Variants in TAFA2 observed in about 807,000 individuals in gnomAD.
TAFA2 encodes the protein chemokine-like protein TAFA-2.
TAFA2 carries 7 observed loss-of-function variants against 18.8 expected under a neutral mutation model. The ratio of observed to expected loss-of-function variants is 0.37; its 90% CI spans 0.21 to 0.70. The LOEUF (loss-of-function observed/expected upper bound fraction) is 0.70, where lower values mean the gene tolerates loss of function less well. Ranked by LOEUF, TAFA2 falls within the 30% of genes least tolerant of loss-of-function variation. The pLI is 0.53. For synonymous variants in TAFA2, 60 were observed against 54.2 expected (o/e 1.11, Z -0.47); for missense variants, 122 against 158.1 (o/e 0.77, Z 1.23).
At chr12:61,831,776 G>C (rs1872729803) in intron 2 of TAFA2, among the ~76,000 whole-genome samples, 1 of 151,928 alleles carries the variant, frequency 6.6e-6, no homozygotes, top group African/African-American at 2.4e-5. Context: ...ATGTATACAT[G>C]TGCCATGTTG....
At chr12:61,741,002 T>C (rs921878672) in intron 4 of TAFA2, among the ~76,000 whole-genome samples, 1 of 152,088 alleles carries the variant, frequency 6.6e-6, no homozygotes, top group Admixed American at 6.6e-5. Context: ...TATTTTTTGT[T>C]TTAATTTGGC....
chr12:61,831,097 T>C (rs996407798), intron 2 of TAFA2, among the ~76,000 whole-genome samples: 2 of 152,114 alleles, frequency 1.3e-5, no homozygotes, highest in African/African-American at 4.8e-5. Context: ...TTTAAATTAT[T>C]TGAGCCTTCA....
chr12:62,253,429 G>A (rs2062924059), intron 1 of TAFA2: 1 of 152,150 alleles, frequency 6.6e-6, no homozygotes, highest in East Asian at 1.9e-4. Context: ...CATAAACTTA[G>A]TGACTGAGAC....
intron 1 of TAFA2, among the ~76,000 whole-genome samples, chr12:61,868,081 T>A (rs2121221528): frequency 6.6e-6 from 1 of 152,232 alleles, no homozygotes; most frequent in Middle Eastern, 3.4e-3. Flanking sequence ...AATCAACATT[T>A]TCATATTGAA....
intron 2 of TAFA2, among the ~76,000 whole-genome samples, chr12:61,772,182 A>G (rs1870057684): frequency 6.6e-6 from 1 of 151,998 alleles, no homozygotes; most frequent in South Asian, 2.1e-4. Flanking sequence ...AACCAGGAAG[A>G]AATAGAAACT....
chr12:61,860,246 A>G (rs1443062290), intron 2 of TAFA2, among the ~76,000 whole-genome samples: 1 of 152,154 alleles, frequency 6.6e-6, no homozygotes, highest in Admixed American at 6.5e-5. Flanking sequence ...TTTCTTTCCA[A>G]AGTTTCTCAA....
chr12:62,012,386 T>C (rs1232320226), intron 1 of TAFA2, among the ~76,000 whole-genome samples: 4 of 148,830 alleles, frequency 2.7e-5, no homozygotes, highest in Admixed American at 2.0e-4. Flanking sequence ...GAGACACGTA[T>C]ATCATCTTTC....
intron 1 of TAFA2, among the ~76,000 whole-genome samples, chr12:62,025,628 T>G (rs1881287212): frequency 6.6e-6 from 1 of 152,094 alleles, no homozygotes; most frequent in Non-Finnish European, 1.5e-5. Flanking sequence ...AGTCAGAACA[T>G]TGGATGGCTA....
chr12:61,734,796 A>C (rs1006917978), intron 4 of TAFA2, among the ~76,000 whole-genome samples: 1 of 151,986 alleles, frequency 6.6e-6, no homozygotes. Flanking sequence ...AGAATTTACC[A>C]TCTTTACCAT....
At chr12:62,259,297 G>A (rs192022278), upstream of TAFA2, among the ~76,000 whole-genome samples, 1 of 152,218 alleles carries the variant, frequency 6.6e-6, no homozygotes, top group Admixed American at 6.5e-5. Context: ...CAAATATTTA[G>A]GTAATTTTTA....
chr12:62,122,738 C>A (rs1870253850), intron 1 of TAFA2, among the ~76,000 whole-genome samples: 1 of 152,162 alleles, frequency 6.6e-6, no homozygotes, highest in Non-Finnish European at 1.5e-5. Flanking sequence ...TTCCATATAA[C>A]CCCAATCACC....
intron 1 of TAFA2, among the ~76,000 whole-genome samples, chr12:61,981,152 C>T (rs965544246): frequency 3.3e-5 from 5 of 152,082 alleles, no homozygotes; most frequent in East Asian, 3.9e-4. Flanking sequence ...GAAATAACAC[C>T]GCACATCTAC....
At chr12:61,950,139 A>G (rs1328434288) in intron 1 of TAFA2, among the ~76,000 whole-genome samples, 2 of 152,080 alleles carry the variant, frequency 1.3e-5, no homozygotes, top group Non-Finnish European at 2.9e-5. Context: ...TTGCATATAT[A>G]TATCACATTT....
At chr12:61,812,024 G>T (rs1223635899) in intron 2 of TAFA2, among the ~76,000 whole-genome samples, 1 of 151,266 alleles carries the variant, frequency 6.6e-6, no homozygotes, top group Non-Finnish European at 1.5e-5. Flanking sequence ...TGTAAGAGAT[G>T]TATTGTGGCT....
chr12:62,003,161 A>G (rs928642930), intron 1 of TAFA2, among the ~76,000 whole-genome samples: 2 of 152,104 alleles, frequency 1.3e-5, no homozygotes, highest in African/African-American at 4.8e-5. Flanking sequence ...TCTACAGTCT[A>G]TTGTCAACAT....
intron 1 of TAFA2, among the ~76,000 whole-genome samples, chr12:62,212,832 A>G (rs1436315997): frequency 6.6e-6 from 1 of 152,252 alleles, no homozygotes; most frequent in Non-Finnish European, 1.5e-5. Context: ...TAATGATTGC[A>G]TTAATGAGAG....
At chr12:61,927,977 G>C (rs764353323) in intron 1 of TAFA2, among the ~76,000 whole-genome samples, 1 of 152,056 alleles carries the variant, frequency 6.6e-6, no homozygotes, top group East Asian at 1.9e-4. Flanking sequence ...ACTAAAACTG[G>C]ACCCCTTCCT....
chr12:62,071,180 C>T (rs766121644), intron 1 of TAFA2, among the ~76,000 whole-genome samples: 5 of 152,056 alleles, frequency 3.3e-5, no homozygotes, highest in Non-Finnish European at 5.9e-5. Context: ...TACAGAAAGA[C>T]TAAATGCAAC....
intron 1 of TAFA2, among the ~76,000 whole-genome samples, chr12:62,008,487 C>A (rs1328614523): frequency 1.3e-5 from 2 of 151,968 alleles, no homozygotes; most frequent in Admixed American, 1.3e-4. Flanking sequence ...ATGCTAGTAC[C>A]TACCATTTTT....
Sources: gnomAD v4.1 joint callset for allele counts (sites outside exome capture counted in the v4.1 genomes callset) on GRCh38, gnomAD v4.1.1 for gene constraint, MANE v1.5 for transcripts, NCBI Gene and HGNC (gene_info 2026-07-23, HGNC 2026-07-21) for gene names.